The following AMPH variants were observed in gnomAD, a reference collection of about 807,000 sequenced individuals.
AMPH encodes the protein amphiphysin.
Under a neutral mutation model 99.1 loss-of-function variants are expected in AMPH, and 49 were observed. The observed-to-expected ratio is 0.49, with a 90% CI of 0.39 to 0.63. The LOEUF is 0.63. AMPH is among the 20% of genes least tolerant of loss of function. AMPH has a pLI of 0.00. For missense variants in AMPH, 759 were observed against 863.4 expected (o/e 0.88, Z 1.52); for synonymous variants, 314 against 317.3 (o/e 0.99, Z 0.11).
intron 17 of AMPH, among the ~76,000 whole-genome samples, chr7:38,404,472 C>T (rs1458753616): frequency 1.3e-5 from 2 of 152,162 alleles, no homozygotes; most frequent in Non-Finnish European, 2.9e-5. Context: ...CAATATACTG[C>T]TACAACAAGC....
Position 38,631,334 on chromosome 7 carries a change from C to G in AMPH, c.18G>C (p.Thr6=), listed in dbSNP as rs748368998. The G allele has an allele frequency of 1.3e-6, 2 of 1,557,030 alleles. No individual in the cohort carries two copies. Among genetic ancestry groups the G allele is most frequent in the South Asian group, 2.4e-5 (2 of 83,962 alleles). MADIK[T]GIFAKNVQKR... is the part of the protein sequence containing the mutation. ...TCTGGACGTTCTTGGCGAAGATGCC[C>G]GTCTTGATGTCGGCCATGGCTGCGG... is the stretch of plus-strand genomic sequence containing the variant. The change falls in exon 1 of 21, where the codon ACG becomes ACC. Residue 6 remains threonine (T), a synonymous_variant. Coordinates refer to ENST00000356264, the MANE Select transcript of AMPH (RefSeq NM_001635.4).
At position 38,475,757 on chromosome 7, in the gene AMPH, A is replaced by G. The variant is rs139829642; in HGVS notation, c.505-341T>C. Among the ~76,000 whole-genome samples, 329 of 152,352 alleles carry G rather than the reference A, an allele frequency of 2.2e-3. 1 individual carries two copies. Among genetic ancestry groups the G allele is most frequent in the African/African-American group, 7.5e-3 (310 of 41,586 alleles). On this transcript the variant is annotated intron_variant, in intron 6 of 20. Coordinates refer to ENST00000356264, the MANE Select transcript of AMPH (RefSeq NM_001635.4). ...ATTCCCAGCCTAGTGGAAAGTCTAAATAATTACATTACAGGATGTATTTAC... is the reference window on the plus strand; with the variant it reads ...ATTCCCAGCCTAGTGGAAAGTCTAAGTAATTACATTACAGGATGTATTTAC...
chr7:38,471,446 G>C (rs189036952), intron 7 of AMPH, among the ~76,000 whole-genome samples: 1 of 152,042 alleles, frequency 6.6e-6, no homozygotes, highest in East Asian at 1.9e-4. Flanking sequence ...AATTGAACCT[G>C]CATCCCCCTC....
At chr7:38,563,165 G>GAATGAATT (rs556883681) in intron 1 of AMPH, among the ~76,000 whole-genome samples, 1 of 152,108 alleles carries the variant, frequency 6.6e-6, no homozygotes, top group African/African-American at 2.4e-5. Flanking sequence ...ATGAATGAAT[G>GAATGAATT]AGTGAATGGA....
chr7:38,590,966 A>G (rs959559136), intron 1 of AMPH, among the ~76,000 whole-genome samples: 1 of 152,242 alleles, frequency 6.6e-6, no homozygotes, highest in Non-Finnish European at 1.5e-5. Flanking sequence ...AAATGTTACT[A>G]AATTAATACA....
At chr7:38,455,511 A>G (rs1311212727) in intron 11 of AMPH, among the ~76,000 whole-genome samples, 1 of 152,220 alleles carries the variant, frequency 6.6e-6, no homozygotes, top group East Asian at 1.9e-4. Flanking sequence ...CTGGGATTCA[A>G]CAGAGAAGTG....
intron 1 of AMPH, among the ~76,000 whole-genome samples, chr7:38,591,496 A>G (rs1792855844): frequency 6.6e-6 from 1 of 152,158 alleles, no homozygotes; most frequent in South Asian, 2.1e-4. Flanking sequence ...CATGTTGGCC[A>G]GGCTGGTCTT....
chr7:38,581,020 T>C (rs1792435024), intron 1 of AMPH, among the ~76,000 whole-genome samples: 1 of 152,234 alleles, frequency 6.6e-6, no homozygotes. Flanking sequence ...TAAAATGGTC[T>C]ACTTTCCATT....
rs114484520 is a variant in AMPH at position 38,562,259 on chromosome 7, A to G, written c.70-27248T>C. ...ATTGACACTTTCTATTCTTTCCAAT[A>G]AACCTGACATTCAAAAGAGAAAGTC... On this transcript the variant is annotated intron_variant, in intron 1 of 20. Coordinates refer to ENST00000356264, the MANE Select transcript of AMPH (RefSeq NM_001635.4). Among the ~76,000 whole-genome samples the G allele has an allele frequency of 3.0e-3, 461 of 152,338 alleles. 3 individuals carry two copies. The highest frequency in any genetic ancestry group is 0.011 in the African/African-American group (448 of 41,570).
chr7:38,458,462 C>T (rs1304916722), intron 11 of AMPH, among the ~76,000 whole-genome samples: 1 of 152,068 alleles, frequency 6.6e-6, no homozygotes, highest in African/African-American at 2.4e-5. Context: ...AAATCCTTAA[C>T]AAAATACTAG....
intron 19 of AMPH, among the ~76,000 whole-genome samples, chr7:38,390,109 C>T (rs1784447574): frequency 1.3e-5 from 2 of 152,138 alleles, no homozygotes; most frequent in African/African-American, 4.8e-5. Flanking sequence ...TAATGCAATG[C>T]CCTCTACAAC....
intron 1 of AMPH, among the ~76,000 whole-genome samples, chr7:38,560,332 T>C (rs544206856): frequency 2.0e-5 from 3 of 152,238 alleles, no homozygotes; most frequent in African/African-American, 4.8e-5. Context: ...CCCCAGCCAA[T>C]AGCGAATCAA....
At chr7:38,509,105 G>C (rs1789442291) in intron 2 of AMPH, among the ~76,000 whole-genome samples, 1 of 152,120 alleles carries the variant, frequency 6.6e-6, no homozygotes, top group African/African-American at 2.4e-5. Flanking sequence ...TTTGAGCTCT[G>C]TGCACTATTG....
At chr7:38,428,344 C>T (rs1391678569) in intron 14 of AMPH, 6 of 456,606 alleles carry the variant, frequency 1.3e-5, no homozygotes, top group Non-Finnish European at 2.6e-5. Flanking sequence ...ACTGTTCTTT[C>T]AGACCCTTCT....
rs75808897 is a variant in AMPH at position 38,384,672 on chromosome 7, A to G, written c.*146T>C. 6.0e-5 allele frequency: 39 copies of G among 646,870 alleles called. 1 individual carries two copies. The East Asian group carries it at 1.0e-3, about 17-fold the overall frequency. The allele number at this position is 646,870 out of a possible 1,614,324, so 40.1% of individuals were successfully genotyped here. On this transcript the variant is annotated 3_prime_UTR_variant, in exon 21 of 21. Coordinates refer to ENST00000356264, the MANE Select transcript of AMPH (RefSeq NM_001635.4). ...TTTTTCCTCTTACATTTTTTTGCAC[A>G]CATGCTCCATTGATACATCTTCCCA...
At chr7:38,538,932 A>G (rs1016949108) in intron 1 of AMPH, among the ~76,000 whole-genome samples, 13 of 152,212 alleles carry the variant, frequency 8.5e-5, no homozygotes, top group African/African-American at 3.1e-4. Context: ...GTTCTGAGAG[A>G]TGCTCTGAGC....
rs1584074150 is a variant in AMPH, at chr7:38,426,885, C to A, written c.1215+69G>T. The A allele has an allele frequency of 2.0e-6, 3 of 1,491,424 alleles. No individual in the cohort carries two copies. The East Asian group carries it at 6.8e-5, about 34-fold the overall frequency. 92.4% of individuals were successfully genotyped at this position (1,491,424 alleles called of 1,614,324 possible). On this transcript the variant is annotated intron_variant, in intron 15 of 20. Coordinates refer to ENST00000356264, the MANE Select transcript of AMPH (RefSeq NM_001635.4). ...TACGCTATACTAGTGGCACAGAGAA[C>A]CAAACCACATTGAAAAAAATGTGCA...
At chr7:38,507,297 C>T (rs945734677) in intron 2 of AMPH, among the ~76,000 whole-genome samples, 3 of 152,008 alleles carry the variant, frequency 2.0e-5, no homozygotes, top group African/African-American at 7.2e-5. Flanking sequence ...TAAATGAGTT[C>T]AAATTAAGCA....
intron 16 of AMPH, among the ~76,000 whole-genome samples, chr7:38,419,816 C>G (rs1243144564): frequency 6.6e-6 from 1 of 151,980 alleles, no homozygotes; most frequent in Non-Finnish European, 1.5e-5. Context: ...GATGAGAAGC[C>G]AAGAGATGTT....
Sources: gnomAD v4.1 joint callset for allele counts (sites outside exome capture counted in the v4.1 genomes callset) on GRCh38, gnomAD v4.1.1 for gene constraint, MANE v1.5 for transcripts, NCBI Gene and HGNC (gene_info 2026-07-23, HGNC 2026-07-21) for gene names.